Variants in EPS15 observed in about 807,000 individuals in gnomAD.
EPS15 encodes epidermal growth factor receptor substrate 15.
A neutral mutation model predicts 113.8 loss-of-function variants in EPS15; 72 were observed. The observed-to-expected ratio is 0.63, with a 90% CI of 0.52 to 0.77. The LOEUF is 0.77. Ranked by LOEUF, EPS15 falls within the 30% of genes least tolerant of loss-of-function variation. EPS15 has a pLI of 0.00. For synonymous variants in EPS15, 344 were observed against 363.4 expected (o/e 0.95, Z 0.61); for missense variants, 1,048 against 1,045.8 (o/e 1.00, Z -0.03).
At chr1:51,477,238 C>T (rs141543558) in intron 2 of EPS15, among the ~76,000 whole-genome samples, 8,783 of 152,178 alleles carry the variant, frequency 0.058, 336 homozygotes, top group Non-Finnish European at 0.086. Context: ...AGTTTATTTG[C>T]ATAGAGGTGT....
intron 1 of EPS15, among the ~76,000 whole-genome samples, chr1:51,495,841 T>C (rs1234984182): frequency 1.3e-5 from 2 of 152,152 alleles, no homozygotes; most frequent in African/African-American, 4.8e-5. Context: ...AAAGGTGACA[T>C]GGACTAGTCC....
intron 21 of EPS15, among the ~76,000 whole-genome samples, chr1:51,385,615 T>G (rs1647046625): frequency 6.6e-6 from 1 of 152,216 alleles, no homozygotes; most frequent in Non-Finnish European, 1.5e-5. Context: ...ACATTCACAG[T>G]AGCATTATGC....
intron 21 of EPS15, chr1:51,372,393 C>T (rs538693315): frequency 2.1e-5 from 11 of 535,962 alleles, no homozygotes; most frequent in African/African-American, 9.6e-5. Flanking sequence ...GGGGTCATGG[C>T]AGACAAAAGT....
At chr1:51,360,225 C>T (rs1488088868) in intron 24 of EPS15, among the ~76,000 whole-genome samples, 1 of 152,018 alleles carries the variant, frequency 6.6e-6, no homozygotes, top group East Asian at 1.9e-4. Context: ...TTTCCAAAAT[C>T]ATCTCAAGGG....
At chr1:51,388,694 A>G (rs1341611161) in intron 21 of EPS15, among the ~76,000 whole-genome samples, 8 of 152,216 alleles carry the variant, frequency 5.3e-5, no homozygotes, top group Non-Finnish European at 1.2e-4. Flanking sequence ...AAACACCTCT[A>G]TGCAAATAAA....
At chr1:51,418,574 AG>A (rs1296540086) in intron 13 of EPS15, among the ~76,000 whole-genome samples, 1 of 152,146 alleles carries the variant, frequency 6.6e-6, no homozygotes, top group Non-Finnish European at 1.5e-5. Context: ...GCAATAGCCA[AG>A]GAAGGGGTAT....
At chr1:51,417,487 T>C (rs1214678437) in intron 13 of EPS15, among the ~76,000 whole-genome samples, 2 of 152,096 alleles carry the variant, frequency 1.3e-5, no homozygotes, top group Non-Finnish European at 2.9e-5. Context: ...AAAAATATGA[T>C]CCAAGGCACA....
At chr1:51,483,784 A>T (rs886154883) in intron 1 of EPS15, among the ~76,000 whole-genome samples, 4 of 151,162 alleles carry the variant, frequency 2.6e-5, no homozygotes, top group African/African-American at 9.7e-5. Context: ...CCAGCCTAGC[A>T]AAAGAGCAAG....
chr1:51,512,556 T>G (rs1453548557), intron 1 of EPS15, among the ~76,000 whole-genome samples: 1 of 151,814 alleles, frequency 6.6e-6, no homozygotes. Context: ...TTCCTAAATA[T>G]AAGAAGAGTT....
intron 13 of EPS15, 22 bp downstream of exon 13, chr1:51,421,764 A>G: frequency 6.8e-7 from 1 of 1,472,876 alleles, no homozygotes; most frequent in South Asian, 1.4e-5. Flanking sequence ...GCAGTGGAAC[A>G]CTAAATTTTA....
At chr1:51,368,460 T>C (rs1006135677) in intron 21 of EPS15, among the ~76,000 whole-genome samples, 1 of 152,226 alleles carries the variant, frequency 6.6e-6, no homozygotes, top group Non-Finnish European at 1.5e-5. Flanking sequence ...TAGGAAATCC[T>C]ATAATTCTAG....
intron 19 of EPS15, among the ~76,000 whole-genome samples, 188 bp from the exon 20 acceptor site, chr1:51,399,353 C>T (rs374016721): frequency 6.6e-6 from 1 of 151,804 alleles, no homozygotes; most frequent in South Asian, 2.1e-4. Context: ...GAGTTCAAGA[C>T]CAGCCTGCCC....
At chr1:51,415,602 G>A (rs1420182062) in intron 13 of EPS15, among the ~76,000 whole-genome samples, 2 of 151,518 alleles carry the variant, frequency 1.3e-5, no homozygotes, top group Non-Finnish European at 2.9e-5. Flanking sequence ...TTCGAGACCA[G>A]CCTGGCCAAC....
intron 16 of EPS15, among the ~76,000 whole-genome samples, chr1:51,404,907 C>T (rs1412944270): frequency 3.3e-5 from 5 of 152,150 alleles, no homozygotes; most frequent in East Asian, 1.9e-4. Context: ...CTACTAGAAG[C>T]GCCTCATCTC....
intron 20 of EPS15, among the ~76,000 whole-genome samples, chr1:51,395,707 T>C (rs1647869775): frequency 6.6e-6 from 1 of 152,216 alleles, no homozygotes; most frequent in African/African-American, 2.4e-5. Context: ...TTAATCATAG[T>C]CAAACAAATT....
intron 21 of EPS15, among the ~76,000 whole-genome samples, chr1:51,370,440 A>C (rs927022288): frequency 2.0e-5 from 3 of 152,154 alleles, no homozygotes; most frequent in Non-Finnish European, 2.9e-5. Context: ...TGCTCCAATA[A>C]GCATTTCCTT....
chr1:51,486,354 G>A (rs1644121940), intron 1 of EPS15, among the ~76,000 whole-genome samples: 1 of 151,272 alleles, frequency 6.6e-6, no homozygotes, highest in Non-Finnish European at 1.5e-5. Flanking sequence ...TAAGCCAGGA[G>A]GCAGAGGTTG....
chr1:51,464,273 A>G (rs369202420), intron 6 of EPS15, among the ~76,000 whole-genome samples: 5 of 147,786 alleles, frequency 3.4e-5, no homozygotes, highest in African/African-American at 7.5e-5. Context: ...GGAGTCTTGC[A>G]CTGTCGCCCA....
chr1:51,403,854 T>G (rs1381215678), intron 16 of EPS15, among the ~76,000 whole-genome samples: 1 of 152,196 alleles, frequency 6.6e-6, no homozygotes, highest in African/African-American at 2.4e-5. Flanking sequence ...TACTATCATC[T>G]TTGGTTCCAA....
Sources: allele counts gnomAD v4.1 joint callset (sites outside exome capture counted in the v4.1 genomes callset), GRCh38; gene constraint gnomAD v4.1.1; transcripts MANE v1.5; gene names NCBI Gene and HGNC (gene_info 2026-07-23, HGNC 2026-07-21).